AKAP19: variants seen among roughly 807,000 people sequenced by gnomAD.
AKAP19 encodes the protein A-kinase anchoring protein 19.
chr2:190,194,475 T>TAC, the AKAP19 span, among the ~76,000 whole-genome samples: 225 of 126,912 alleles, frequency 1.8e-3, no homozygotes, highest in East Asian at 8.0e-3. Flanking sequence ...GTATCCTGTG[T>TAC]ATACACACAC....
chr2:189,975,511 A>C, the AKAP19 span, among the ~76,000 whole-genome samples: 3 of 152,054 alleles, frequency 2.0e-5, no homozygotes, highest in Non-Finnish European at 4.4e-5. Flanking sequence ...GTATTTCCTG[A>C]ATTTGAATGT....
At chr2:190,029,687 G>A in the AKAP19 span, among the ~76,000 whole-genome samples, 2 of 152,168 alleles carry the variant, frequency 1.3e-5, no homozygotes, top group Non-Finnish European at 2.9e-5. Context: ...TAGTGCAAAA[G>A]TAGCCAGGGA....
the AKAP19 span, among the ~76,000 whole-genome samples, chr2:189,944,563 A>G: frequency 1.3e-5 from 2 of 152,196 alleles, no homozygotes; most frequent in African/African-American, 4.8e-5. Flanking sequence ...ATAATAATAT[A>G]TATGCACCCA....
the AKAP19 span, among the ~76,000 whole-genome samples, chr2:189,981,406 G>A: frequency 1.3e-5 from 2 of 151,626 alleles, no homozygotes. Flanking sequence ...CATTACATGT[G>A]AGATGGATCT....
the AKAP19 span, among the ~76,000 whole-genome samples, chr2:189,940,304 G>T: frequency 6.7e-6 from 1 of 148,486 alleles, no homozygotes; most frequent in Non-Finnish European, 1.5e-5. Context: ...AAATTAGCCA[G>T]GCGTGGTGGC....
chr2:189,976,436 G>A, the AKAP19 span, among the ~76,000 whole-genome samples: 2 of 152,232 alleles, frequency 1.3e-5, no homozygotes, highest in African/African-American at 2.4e-5. Context: ...GGACCCACTT[G>A]AGGAGGCAGT....
At chr2:190,196,760 G>A in the AKAP19 span, among the ~76,000 whole-genome samples, 6 of 152,192 alleles carry the variant, frequency 3.9e-5, no homozygotes, top group African/African-American at 1.4e-4. Flanking sequence ...ATTGGATATA[G>A]CCATGCCCAT....
the AKAP19 span, among the ~76,000 whole-genome samples, chr2:190,095,309 T>A: frequency 6.6e-6 from 1 of 152,198 alleles, no homozygotes; most frequent in South Asian, 2.1e-4. Context: ...ATACCTTTGG[T>A]AATATCAGTG....
chr2:190,050,503 G>T, the AKAP19 span, among the ~76,000 whole-genome samples: 1 of 152,182 alleles, frequency 6.6e-6, no homozygotes, highest in South Asian at 2.1e-4. Context: ...AATAACACTA[G>T]ATATTAACAT....
At chr2:190,081,881 G>A in the AKAP19 span, among the ~76,000 whole-genome samples, 5 of 152,012 alleles carry the variant, frequency 3.3e-5, no homozygotes, top group East Asian at 1.9e-4. Context: ...CACATCTTTC[G>A]GCCAAGGGGA....
the AKAP19 span, among the ~76,000 whole-genome samples, chr2:189,914,721 G>A: frequency 2.0e-5 from 3 of 152,004 alleles, no homozygotes; most frequent in African/African-American, 7.2e-5. Flanking sequence ...AGCTAAGATT[G>A]TTATTAATAT....
At chr2:189,931,028 T>A in the AKAP19 span, 4 of 623,666 alleles carry the variant, frequency 6.4e-6, no homozygotes, top group East Asian at 1.2e-4. Context: ...GGCCAAGGGG[T>A]GGGTGTGTGA....
the AKAP19 span, among the ~76,000 whole-genome samples, chr2:190,018,622 T>C: frequency 6.6e-6 from 1 of 152,230 alleles, no homozygotes; most frequent in Non-Finnish European, 1.5e-5. Context: ...TCTTTATCAG[T>C]CATTCCATAG....
chr2:189,971,939 T>C, the AKAP19 span, among the ~76,000 whole-genome samples: 4 of 151,924 alleles, frequency 2.6e-5, no homozygotes, highest in Non-Finnish European at 2.9e-5. Flanking sequence ...GGTTGCCTGT[T>C]CACTCTGATG....
At chr2:190,056,594 A>G in the AKAP19 span, 1 of 152,622 alleles carries the variant, frequency 6.6e-6, no homozygotes, top group African/African-American at 2.4e-5. Flanking sequence ...TTGGAGGTGT[A>G]GGAAAATGCA....
the AKAP19 span, among the ~76,000 whole-genome samples, chr2:189,940,110 T>C: frequency 2.6e-3 from 397 of 152,204 alleles, 6 homozygotes; most frequent in Admixed American, 0.022. Flanking sequence ...AAACCCTGTC[T>C]CCACTAAAAA....
chr2:189,922,202 T>C, the AKAP19 span, among the ~76,000 whole-genome samples: 1 of 152,090 alleles, frequency 6.6e-6, no homozygotes, highest in Non-Finnish European at 1.5e-5. Flanking sequence ...AAAAGGGTAA[T>C]AGCAAGAAAG....
the AKAP19 span, among the ~76,000 whole-genome samples, chr2:190,045,991 G>A: frequency 6.6e-6 from 1 of 152,250 alleles, no homozygotes; most frequent in Non-Finnish European, 1.5e-5. Context: ...CGTGGGAGAA[G>A]CATGATTTCC....
At chr2:190,195,531 G>A in the AKAP19 span, among the ~76,000 whole-genome samples, 3 of 152,100 alleles carry the variant, frequency 2.0e-5, no homozygotes, top group East Asian at 1.9e-4. Flanking sequence ...TTTTCCATAC[G>A]TTTATGTGCC....
Sources: allele counts gnomAD v4.1 joint callset (sites outside exome capture counted in the v4.1 genomes callset), GRCh38; gene constraint gnomAD v4.1.1; transcripts MANE v1.5; gene names NCBI Gene and HGNC (gene_info 2026-07-23, HGNC 2026-07-21).